SETDB1: variants seen among roughly 807,000 people sequenced by gnomAD.
SETDB1 encodes histone-lysine N-methyltransferase SETDB1.
SETDB1 carries 31 observed loss-of-function variants against 137.4 expected under a neutral mutation model. The ratio of observed to expected loss-of-function variants is 0.23; its 90% CI spans 0.17 to 0.30. SETDB1 has a LOEUF of 0.30. Among genes scored for constraint, SETDB1 ranks in the 10% least tolerant of loss-of-function variants. The pLI is 1.00. For synonymous variants in SETDB1, 548 were observed against 579.9 expected (o/e 0.95, Z 0.79); for missense variants, 1,113 against 1,631.5 (o/e 0.68, Z 5.47).
intron 4 of SETDB1, 84 bp downstream of exon 4, chr1:150,940,058 G>A (rs1571635425): frequency 1.1e-6 from 1 of 944,238 alleles, no homozygotes; most frequent in East Asian, 2.4e-5. Context: ...AATCAGTTTA[G>A]CTGTCAGTAT....
chr1:150,933,378 T>TA (rs1669827961), intron 3 of SETDB1, among the ~76,000 whole-genome samples: 1 of 147,882 alleles, frequency 6.8e-6, no homozygotes, highest in Non-Finnish European at 1.5e-5. Flanking sequence ...CTTTTTTTTT[T>TA]TTTTTTTGAG....
In SETDB1 at chr1:150,959,331, T is replaced by C. The variant is rs748959871; in HGVS notation, c.2487T>C (p.Phe829=). The C allele has an allele frequency of 2.7e-5, 44 of 1,605,284 alleles. No homozygotes were observed. The highest frequency in any genetic ancestry group is 7.9e-5 in the South Asian group (7 of 88,978). ...RCLDDIAKGS[F]VCIYAGKILT... is the part of the protein sequence containing the mutation. Reference sequence around the variant, plus strand: ...TGGATGACATTGCCAAAGGCTCTTTTGTTTGTATTTATGCAGGTTGGTGAT... The same window carrying C: ...TGGATGACATTGCCAAAGGCTCTTTCGTTTGTATTTATGCAGGTTGGTGAT... The change falls in exon 15 of 22, where the codon TTT becomes TTC. Residue 829 remains phenylalanine (F), a synonymous_variant. Transcript: ENST00000692827.
At position 150,960,911 on chromosome 1, in the gene SETDB1, C is replaced by G. The variant is rs368895041; in HGVS notation, c.2852C>G (p.Pro951Arg). 25 of 1,613,324 alleles carry G rather than the reference C, an allele frequency of 1.5e-5. No individual in the cohort carries two copies. The highest frequency in any genetic ancestry group is 2.1e-5 in the Non-Finnish European group (25 of 1,179,520). Residue 951 changes from proline (P) to arginine (R), a missense_variant, in exon 16 of 22, where the codon CCA becomes CGA. Around this residue, in one of 11 missense-constraint regions of SETDB1, gnomAD observed 373 missense variants for 412.7 expected, o/e 0.90. Transcript: ENST00000692827. ...SETTSKDSHP[P>R]DLGPPHIPVP... ...ACAACTTCCAAGGACTCCCACCCCC[C>G]AGATCTTGGACCCCCACATATTCCT...
chr1:150,944,089 T>C, intron 8 of SETDB1, 96 bp downstream of exon 8: 1 of 890,566 alleles, frequency 1.1e-6, no homozygotes, highest in Non-Finnish European at 1.9e-6. Context: ...GTTTTTGGTA[T>C]TTCAGTCTCA....
intron 17 of SETDB1, 61 bp from the exon 18 acceptor site, chr1:150,962,526 A>G: frequency 3.8e-6 from 6 of 1,569,484 alleles, no homozygotes; most frequent in Non-Finnish European, 5.3e-6. Flanking sequence ...TCTCAAACCT[A>G]GGCTAGAAGC....
chr1:150,936,315 T>A (rs986695690), intron 3 of SETDB1, among the ~76,000 whole-genome samples: 1 of 152,148 alleles, frequency 6.6e-6, no homozygotes, highest in Non-Finnish European at 1.5e-5. Flanking sequence ...TTTTAACTTT[T>A]AATTTTTTAG....
At chr1:150,933,180 C>T (rs1669818719) in intron 3 of SETDB1, among the ~76,000 whole-genome samples, 1 of 151,912 alleles carries the variant, frequency 6.6e-6, no homozygotes, top group Non-Finnish European at 1.5e-5. Context: ...CCACGTCAGC[C>T]TCCTGAGTAG....
intron 14 of SETDB1, among the ~76,000 whole-genome samples, chr1:150,957,912 C>T (rs1237798450): frequency 6.6e-6 from 1 of 152,136 alleles, no homozygotes; most frequent in Non-Finnish European, 1.5e-5. Context: ...CTGGGCTGGG[C>T]ACGGTGGCTC....
chr1:150,951,500 G>C lies in SETDB1; in HGVS notation c.2333+19G>C, dbSNP rs1205195452. The C allele has an allele frequency of 2.4e-6, 3 of 1,235,464 alleles. No individual in the cohort carries two copies. The highest frequency in any genetic ancestry group is 1.7e-5 in the Admixed American group (1 of 59,356). 76.5% of individuals were successfully genotyped at this position (1,235,464 alleles called of 1,614,324 possible). A position where few individuals can be genotyped will look rare whatever the true frequency, so the allele number is the denominator to read the frequency against. ...CCACAGGGTAAGTGGTCAAGGAATGGCACAGTACCTCAGAGAGACTGAGGA... is the reference window on the plus strand; with the variant it reads ...CCACAGGGTAAGTGGTCAAGGAATGCCACAGTACCTCAGAGAGACTGAGGA... On this transcript the variant is annotated intron_variant, in intron 14 of 21. Coordinates refer to ENST00000692827, the MANE Select transcript of SETDB1 (RefSeq NM_001366418.1).
At chr1:150,932,190 A>G (rs930498028) in intron 3 of SETDB1, among the ~76,000 whole-genome samples, 3 of 151,492 alleles carry the variant, frequency 2.0e-5, no homozygotes, top group Non-Finnish European at 4.4e-5. Flanking sequence ...GTTCAAGACT[A>G]GCCTGGGCAA....
chr1:150,933,743 ATTTTTCTTTTTCTTTTTCTTTTTC>A (rs538993878), intron 3 of SETDB1, among the ~76,000 whole-genome samples: 13 of 100,566 alleles, frequency 1.3e-4, no homozygotes, highest in African/African-American at 2.7e-4. Flanking sequence ...CATTCTTCTG[ATTTTTCTTTTTCTTTTTCTTTTTC>A]TTTTTCTTTT....
At chr1:150,964,138 A>G (rs1670914919) in intron 21 of SETDB1, 55 bp downstream of exon 21, 1 of 1,547,370 alleles carries the variant, frequency 6.5e-7, no homozygotes, top group Non-Finnish European at 8.9e-7. Context: ...CTGAAGTTCT[A>G]AGGGCCCCTC....
In SETDB1 at chr1:150,960,867, A is replaced by G. The variant is rs1169067207; in HGVS notation, c.2808A>G (p.Lys936=). The change falls in exon 16 of 22, where the codon AAA becomes AAG. Residue 936 remains lysine (K), a synonymous_variant. Transcript: ENST00000692827. ...YATRRQTRGQ[K]ENGLSETTSK... is the part of the protein sequence containing the mutation. ...CCCGGAGGCAGACCCGGGGCCAGAA[A>G]GAGAACGGACTCTCTGAGACAACTT... 1.2e-6 allele frequency: 2 copies of G among 1,608,152 alleles called. No individual in the cohort carries two copies. Among genetic ancestry groups the G allele is most frequent in the African/African-American group, 1.3e-5 (1 of 74,926 alleles).
chr1:150,932,793 T>C (rs1168428009), intron 3 of SETDB1, among the ~76,000 whole-genome samples: 1 of 152,200 alleles, frequency 6.6e-6, no homozygotes, highest in East Asian at 1.9e-4. Context: ...ATATAAGCTC[T>C]AAAGCTATTT....
At chr1:150,934,278 C>T (rs587683216) in intron 3 of SETDB1, among the ~76,000 whole-genome samples, 3 of 152,152 alleles carry the variant, frequency 2.0e-5, no homozygotes, top group East Asian at 1.9e-4. Flanking sequence ...CGAAACCATC[C>T]CGGCTAACAC....
chr1:150,962,046 C>T (rs1182518304), intron 16 of SETDB1, 84 bp from the exon 17 acceptor site: 13 of 1,499,592 alleles, frequency 8.7e-6, no homozygotes, highest in Non-Finnish European at 1.2e-5. Context: ...CTGATGTTAT[C>T]TGTGGAGGTC....
chr1:150,945,012 C>T lies in SETDB1; in HGVS notation c.1044C>T (p.Leu348=), dbSNP rs775349296. The change falls in exon 9 of 22, where the codon CTC becomes CTT. Residue 348 remains leucine, a synonymous_variant. Transcript: ENST00000692827. Reference sequence around the variant, plus strand: ...ACCCCAACCGCCCCATGGTACTGCTCAAGAGTGGCCAGCTTATCAAGACTG... The same window carrying T: ...ACCCCAACCGCCCCATGGTACTGCTTAAGAGTGGCCAGCTTATCAAGACTG... The part of the protein sequence containing the change: ...TAYPNRPMVL[L]KSGQLIKTEW... The T allele has an allele frequency of 4.3e-6, 7 of 1,614,108 alleles. No individual in the cohort carries two copies. In the East Asian group the frequency reaches 1.3e-4, roughly 31 times the overall value.
rs768805262 is a variant in SETDB1 at position 150,942,565 on chromosome 1, A to G, written c.550A>G (p.Thr184Ala). Residue 184 changes from threonine to alanine, a missense_variant and splice_region_variant, in exon 6 of 22, where the codon ACC (threonine) becomes GCC (alanine). This residue lies in a region of SETDB1 where 159 missense variants were observed against 188.6 expected (regional missense o/e 0.84). Transcript: ENST00000692827. ...GAATAACTTTGCTTCTTCTATAGGA[A>G]CCTTGAGTCAGATGTCTGGAGAACT... is the stretch of plus-strand genomic sequence containing the variant. The part of the protein sequence containing the change: ...KSSSQDLHKG[T>A]LSQMSGELSK... The G allele has an allele frequency of 6.2e-7, 1 of 1,610,016 alleles. No individual in the cohort carries two copies. Among genetic ancestry groups the G allele is most frequent in the Non-Finnish European group, 8.5e-7 (1 of 1,178,676 alleles).
At chr1:150,945,232 C>A in intron 9 of SETDB1, 124 bp downstream of exon 9, 1 of 1,493,974 alleles carries the variant, frequency 6.7e-7, no homozygotes, top group Non-Finnish European at 9.0e-7. Flanking sequence ...TATGTGTTCT[C>A]ACTGTTTTTG....
Sources: allele counts gnomAD v4.1 joint callset (sites outside exome capture counted in the v4.1 genomes callset), GRCh38; gene constraint gnomAD v4.1.1; regional missense constraint gnomAD v4.1.1; transcripts MANE v1.5; gene names NCBI Gene and HGNC (gene_info 2026-07-23, HGNC 2026-07-21).